Variants in GALNT13 observed in about 807,000 individuals in gnomAD.
The protein encoded by GALNT13 is polypeptide N-acetylgalactosaminyltransferase 13.
A neutral mutation model predicts 64.2 loss-of-function variants in GALNT13; 28 were observed. The observed-to-expected ratio is 0.44, with a 90% confidence interval of 0.32 to 0.60. The LOEUF is 0.60. Ranked by LOEUF, GALNT13 falls within the 20% of genes least tolerant of loss-of-function variation. GALNT13 has a pLI of 0.05. For missense variants in GALNT13, 577 were observed against 669.8 expected, an observed-to-expected ratio of 0.86 and a Z score of 1.53; for synonymous variants, 214 against 224.6, an observed-to-expected ratio of 0.95 and a Z score of 0.42.
intron 4 of GALNT13, among the ~76,000 whole-genome samples, chr2:154,167,101 G>C (rs1286134237): frequency 6.6e-6 from 1 of 151,950 alleles, no homozygotes; most frequent in Non-Finnish European, 1.5e-5. Context: ...AGTTGTGCAC[G>C]TGTATTGTAG....
intron 3 of GALNT13, among the ~76,000 whole-genome samples, chr2:154,050,318 G>T (rs1185538496): frequency 1.3e-5 from 2 of 152,198 alleles, no homozygotes; most frequent in Non-Finnish European, 2.9e-5. Context: ...GGCTTAGTAA[G>T]TGAAGCAATA....
intron 9 of GALNT13, among the ~76,000 whole-genome samples, chr2:154,320,982 C>T (rs1694592632): frequency 6.6e-6 from 1 of 151,992 alleles, no homozygotes. Flanking sequence ...ATTTATTGGC[C>T]TCATTCTGGA....
chr2:153,384,352 C>A, the GALNT13 span, among the ~76,000 whole-genome samples: 1 of 151,974 alleles, frequency 6.6e-6, no homozygotes, highest in Non-Finnish European at 1.5e-5. Flanking sequence ...AAGCAAATAC[C>A]ATTTTTAAAA....
chr2:153,631,811 A>G, the GALNT13 span, among the ~76,000 whole-genome samples: 1 of 152,096 alleles, frequency 6.6e-6, no homozygotes, highest in African/African-American at 2.4e-5. Flanking sequence ...CTTTAGTTTA[A>G]TTAGATCCCA....
At chr2:153,456,358 C>A in the GALNT13 span, among the ~76,000 whole-genome samples, 3 of 152,224 alleles carry the variant, frequency 2.0e-5, no homozygotes, top group Non-Finnish European at 4.4e-5. Flanking sequence ...AAAATGGGCC[C>A]TTTCTAGGCT....
the GALNT13 span, among the ~76,000 whole-genome samples, chr2:153,200,594 C>CT: frequency 6.6e-6 from 1 of 152,202 alleles, no homozygotes; most frequent in Non-Finnish European, 1.5e-5. Flanking sequence ...ACCACAGAAT[C>CT]TATCTCATTG....
chr2:154,357,483 A>G (rs1696816084), intron 9 of GALNT13, among the ~76,000 whole-genome samples: 1 of 152,050 alleles, frequency 6.6e-6, no homozygotes, highest in South Asian at 2.1e-4. Context: ...GCTGACATTT[A>G]AGGCGTGTAA....
the GALNT13 span, among the ~76,000 whole-genome samples, chr2:153,441,324 A>C: frequency 6.6e-6 from 1 of 152,240 alleles, no homozygotes; most frequent in Non-Finnish European, 1.5e-5. Flanking sequence ...TTTTGGTACC[A>C]GTACCATGCT....
chr2:153,166,021 T>C, the GALNT13 span, among the ~76,000 whole-genome samples: 3 of 152,316 alleles, frequency 2.0e-5, no homozygotes, highest in South Asian at 2.1e-4. Flanking sequence ...ATCATGTCTC[T>C]GGTAATAACT....
At chr2:153,083,356 A>G in the GALNT13 span, among the ~76,000 whole-genome samples, 1 of 152,306 alleles carries the variant, frequency 6.6e-6, no homozygotes, top group South Asian at 2.1e-4. Context: ...CATTTCTGCC[A>G]GTAATGTAAA....
chr2:153,335,067 A>G, the GALNT13 span, among the ~76,000 whole-genome samples: 2 of 151,744 alleles, frequency 1.3e-5, no homozygotes, highest in Non-Finnish European at 2.9e-5. Flanking sequence ...CTTCTTCCTC[A>G]TTTTTTCTTG....
intron 3 of GALNT13, among the ~76,000 whole-genome samples, chr2:154,036,173 C>T (rs1698650090): frequency 6.6e-6 from 1 of 152,034 alleles, no homozygotes; most frequent in Non-Finnish European, 1.5e-5. Flanking sequence ...TTAAGAAATA[C>T]TGTTATAGCA....
At chr2:154,033,090 G>A (rs913428079) in intron 3 of GALNT13, among the ~76,000 whole-genome samples, 1 of 151,798 alleles carries the variant, frequency 6.6e-6, no homozygotes, top group African/African-American at 2.4e-5. Flanking sequence ...ATAGAGAAAT[G>A]TATTTTCAAT....
the GALNT13 span, among the ~76,000 whole-genome samples, chr2:153,640,330 G>A: frequency 6.6e-6 from 1 of 152,142 alleles, no homozygotes; most frequent in East Asian, 1.9e-4. Flanking sequence ...GGCCATATGA[G>A]AAGCATCTAA....
chr2:153,574,971 T>C, the GALNT13 span, among the ~76,000 whole-genome samples: 1 of 152,162 alleles, frequency 6.6e-6, no homozygotes, highest in East Asian at 1.9e-4. Context: ...TCATTTATTG[T>C]AGTCTTCACT....
chr2:153,372,666 G>T, the GALNT13 span, among the ~76,000 whole-genome samples: 1 of 151,580 alleles, frequency 6.6e-6, no homozygotes, highest in Non-Finnish European at 1.5e-5. Flanking sequence ...AAGAAAGAAG[G>T]AAAGAAAGCA....
At chr2:154,405,707 GTA>G (rs1342891513) in intron 10 of GALNT13, among the ~76,000 whole-genome samples, 1 of 151,826 alleles carries the variant, frequency 6.6e-6, no homozygotes, top group African/African-American at 2.4e-5. Context: ...GAGTGAGACT[GTA>G]TCTCGAAAAA....
the GALNT13 span, among the ~76,000 whole-genome samples, chr2:153,441,355 G>A: frequency 6.6e-6 from 1 of 152,202 alleles, no homozygotes; most frequent in Non-Finnish European, 1.5e-5. Flanking sequence ...CTGTAGCCTT[G>A]TAGTATAGTT....
the GALNT13 span, among the ~76,000 whole-genome samples, chr2:153,721,772 A>G: frequency 6.6e-6 from 1 of 151,780 alleles, no homozygotes; most frequent in African/African-American, 2.4e-5. Flanking sequence ...CTAAATATAT[A>G]TGCATCCAAT....
Sources: gnomAD v4.1 joint callset for allele counts (sites outside exome capture counted in the v4.1 genomes callset) on GRCh38, gnomAD v4.1.1 for gene constraint, MANE v1.5 for transcripts, NCBI Gene and HGNC (gene_info 2026-07-23, HGNC 2026-07-21) for gene names.